The following RAP1GAP2 variants were observed in gnomAD, a reference collection of about 807,000 sequenced individuals.
RAP1GAP2 encodes rap1 GTPase-activating protein 2.
RAP1GAP2 carries 27 observed loss-of-function variants against 95.0 expected under a neutral mutation model. The observed-to-expected ratio is 0.28, with a 90% CI of 0.21 to 0.39. The LOEUF (loss-of-function observed/expected upper bound fraction) is 0.39, where lower values mean the gene tolerates loss of function less well. Ranked by LOEUF, RAP1GAP2 falls within the 10% of genes least tolerant of loss-of-function variation. The probability of loss-of-function intolerance (pLI) is 1.00; values close to 1 mark genes in which losing one functional copy is unlikely to be tolerated. For missense variants in RAP1GAP2, 771 were observed against 970.0 expected (o/e 0.79, Z 2.72); for synonymous variants, 373 against 380.9 (o/e 0.98, Z 0.24).
intron 4 of RAP1GAP2, 26 bp downstream of exon 4, chr17:2,957,820 G>C: frequency 1.3e-6 from 2 of 1,567,662 alleles, no homozygotes; most frequent in Non-Finnish European, 1.7e-6. Context: ...CACCGTGGCG[G>C]GGAAGAAGCC....
At chr17:2,763,327 C>G (rs192929347) in intron 1 of RAP1GAP2, among the ~76,000 whole-genome samples, 7 of 152,114 alleles carry the variant, frequency 4.6e-5, no homozygotes, top group Non-Finnish European at 1.5e-5. Flanking sequence ...TCAGATACAG[C>G]CTTTGTACTT....
chr17:2,927,088 G>T (rs2042981058), intron 3 of RAP1GAP2, among the ~76,000 whole-genome samples: 1 of 149,114 alleles, frequency 6.7e-6, no homozygotes, highest in Admixed American at 6.7e-5. Context: ...CTCTTGTCTT[G>T]TCAGCTCCTA....
In RAP1GAP2 at chr17:2,796,501, G is replaced by A. The variant is rs2069088213; in HGVS notation, c.-27G>A. On this transcript the variant is annotated 5_prime_UTR_variant, in exon 1 of 25. Coordinates refer to ENST00000254695, the MANE Select transcript of RAP1GAP2 (RefSeq NM_015085.5). This position sits in a 1 kb window ranked among gnomAD's most constrained non-coding sequence, Gnocchi z 4.7. ...CCGGGGACGTCGTTGGGACATCGCTGGGACCCCGGGCTCTGCAGCCACAAC... is the reference window on the plus strand; with the variant it reads ...CCGGGGACGTCGTTGGGACATCGCTAGGACCCCGGGCTCTGCAGCCACAAC... 1.3e-6 allele frequency: 2 copies of A among 1,553,710 alleles called. No homozygotes were observed. The highest frequency in any genetic ancestry group is 4.9e-5 in the East Asian group (2 of 41,208).
At chr17:3,016,686 C>T (rs1214599587) in intron 17 of RAP1GAP2, among the ~76,000 whole-genome samples, 1 of 152,220 alleles carries the variant, frequency 6.6e-6, no homozygotes, top group Non-Finnish European at 1.5e-5. Context: ...TTGTTATTAA[C>T]CGTAAGAGTA....
intron 3 of RAP1GAP2, among the ~76,000 whole-genome samples, chr17:2,956,279 G>A (rs1306416608): frequency 1.3e-5 from 2 of 152,214 alleles, no homozygotes; most frequent in Admixed American, 6.5e-5. Context: ...CACACGTGGG[G>A]TTTCTAGATG....
rs1273512130 is a variant in RAP1GAP2, at chr17:2,906,655, C to G, written c.165+1287C>G. Among the ~76,000 whole-genome samples, 1 of 152,032 alleles carries G rather than the reference C, an allele frequency of 6.6e-6. No individual in the cohort carries two copies. Among genetic ancestry groups the G allele is most frequent in the Non-Finnish European group, 1.5e-5 (1 of 68,012 alleles). On this transcript the variant is annotated intron_variant, in intron 3 of 24. Transcript: ENST00000254695. This position sits in a 1 kb window ranked among gnomAD's most constrained non-coding sequence, Gnocchi z 4.3. ...CTTTGCACAGGGTAATGCTAAGAAG[C>G]CTGTCACCATTCCGAGTGTCCCCTT...
At chr17:2,813,300 C>T (rs904420561) in intron 2 of RAP1GAP2, among the ~76,000 whole-genome samples, 2 of 152,072 alleles carry the variant, frequency 1.3e-5, no homozygotes, top group African/African-American at 4.8e-5. Context: ...TGACCTCGAA[C>T]TCCTGACCTC....
intron 3 of RAP1GAP2, among the ~76,000 whole-genome samples, chr17:2,905,954 T>G (rs567640005): frequency 6.6e-6 from 1 of 152,356 alleles, no homozygotes; most frequent in African/African-American, 2.4e-5. Flanking sequence ...AGTGCCCTTC[T>G]GCCACCATGA....
At chr17:2,782,450 C>T (rs1484779888) in intron 1 of RAP1GAP2, among the ~76,000 whole-genome samples, 1 of 152,162 alleles carries the variant, frequency 6.6e-6, no homozygotes, top group Non-Finnish European at 1.5e-5. Context: ...GGCTTGGGCA[C>T]CAGTGCAGCT....
chr17:2,787,717 G>A (rs910280237), intron 1 of RAP1GAP2, among the ~76,000 whole-genome samples: 1 of 152,122 alleles, frequency 6.6e-6, no homozygotes, highest in African/African-American at 2.4e-5. Context: ...ACAGGCGCAT[G>A]CCGCCACACC....
intron 2 of RAP1GAP2, among the ~76,000 whole-genome samples, chr17:2,879,681 G>A (rs2073218530): frequency 6.7e-6 from 1 of 149,944 alleles, no homozygotes; most frequent in African/African-American, 2.5e-5. Flanking sequence ...AGCTGAGATC[G>A]CACCATGGCA....
At chr17:2,952,144 G>C (rs2043946691) in intron 3 of RAP1GAP2, among the ~76,000 whole-genome samples, 1 of 152,174 alleles carries the variant, frequency 6.6e-6, no homozygotes, top group Non-Finnish European at 1.5e-5. Flanking sequence ...TCTCCGTGGG[G>C]GTGATGCATG....
At chr17:2,964,256 G>T (rs1307993884) in intron 7 of RAP1GAP2, among the ~76,000 whole-genome samples, 188 bp downstream of exon 7, 3 of 109,550 alleles carry the variant, frequency 2.7e-5, no homozygotes, top group Admixed American at 2.7e-4. Context: ...CGGGGATGGG[G>T]GTGAGGCTGG....
In RAP1GAP2 at chr17:3,005,825, A is replaced by G; in HGVS notation, c.1273-130A>G. 1.2e-6 allele frequency: 1 copy of G among 858,522 alleles called. No homozygotes were observed. The highest frequency in any genetic ancestry group is 1.4e-5 in the South Asian group (1 of 70,572). The allele number at this position is 858,522 out of a possible 1,614,324, so 53.2% of individuals were successfully genotyped here. ...GTGGGCTTGGCCTGGGCTAGAAATG[A>G]TCCGCTGTCGGAAGGGACTTTTCAG... On this transcript the variant is annotated intron_variant, in intron 15 of 24. Transcript: ENST00000254695. The surrounding 1 kb of genome is among the most constrained non-coding windows in gnomAD (Gnocchi z 5.2).
intron 4 of RAP1GAP2, among the ~76,000 whole-genome samples, chr17:2,960,304 GA>G (rs1252198887): frequency 6.6e-6 from 1 of 152,086 alleles, no homozygotes; most frequent in Non-Finnish European, 1.5e-5. Flanking sequence ...AGACAGGGAT[GA>G]CTAATGCAGG....
intron 19 of RAP1GAP2, among the ~76,000 whole-genome samples, chr17:3,025,795 A>T (rs2047090216): frequency 6.6e-6 from 1 of 152,162 alleles, no homozygotes; most frequent in African/African-American, 2.4e-5. Flanking sequence ...TGAACCTAGA[A>T]TAGTCCCTGT....
At position 3,027,700 on chromosome 17, in the gene RAP1GAP2, C is replaced by G. The variant is rs907618850; in HGVS notation, c.2107+630C>G. Among the ~76,000 whole-genome samples, 31 of 145,836 alleles carry G rather than the reference C, an allele frequency of 2.1e-4. 1 individual carries two copies. The highest frequency in any genetic ancestry group is 1.8e-3 in the Admixed American group (25 of 14,070). ...AGGTTCTTAAGTAGGGAAGCACCATCTGGAGTTGAGAAAGTCCATTTTGGC... is the reference window on the plus strand; with the variant it reads ...AGGTTCTTAAGTAGGGAAGCACCATGTGGAGTTGAGAAAGTCCATTTTGGC... On this transcript the variant is annotated intron_variant, in intron 22 of 24. Transcript: ENST00000254695. This position sits in a 1 kb window ranked among gnomAD's most constrained non-coding sequence, Gnocchi z 5.2.
chr17:2,818,291 C>T (rs1047405446), intron 2 of RAP1GAP2, among the ~76,000 whole-genome samples: 1 of 144,114 alleles, frequency 6.9e-6, no homozygotes, highest in African/African-American at 2.5e-5. Flanking sequence ...TCTCTCAGCC[C>T]ACTTTATTTA....
At chr17:2,756,459 G>GC (rs1392104750) in intron 1 of RAP1GAP2, among the ~76,000 whole-genome samples, 2 of 152,164 alleles carry the variant, frequency 1.3e-5, no homozygotes. Context: ...CCTGATCTGG[G>GC]CCCCCGAACC....
Sources: gnomAD v4.1 joint callset for allele counts (sites outside exome capture counted in the v4.1 genomes callset) on GRCh38, gnomAD v4.1.1 for gene constraint, Gnocchi (gnomAD v3.1) non-coding constraint, MANE v1.5 for transcripts, NCBI Gene and HGNC (gene_info 2026-07-23, HGNC 2026-07-21) for gene names.